CNOT1: variants seen among roughly 807,000 people sequenced by gnomAD.
CNOT1 encodes the protein CCR4-associated factor 1.
In CNOT1, 15 loss-of-function variants were observed where a neutral mutation model predicts 273.8. The observed-to-expected ratio is 0.05, with a 90% CI of 0.04 to 0.08. The LOEUF (loss-of-function observed/expected upper bound fraction) is 0.08. Among genes scored for constraint, CNOT1 ranks in the 10% least tolerant of loss-of-function variants. The pLI, the probability that CNOT1 is intolerant of heterozygous loss-of-function variation, is 1.00. For synonymous variants in CNOT1, 1,022 were observed against 1,005.5 expected (o/e 1.02, Z -0.31); for missense variants, 1,644 against 2,912.2 (o/e 0.56, Z 10.02).
chr16:58,521,365 T>A (rs2039361250), intron 47 of CNOT1, 48 bp from the exon 48 acceptor site: 6 of 1,538,838 alleles, frequency 3.9e-6, no homozygotes, highest in East Asian at 2.3e-5. Flanking sequence ...GCATACAAAT[T>A]CATGATTATT....
intron 47 of CNOT1, 29 bp from the exon 48 acceptor site, chr16:58,521,346 TGTATA>T: frequency 1.3e-6 from 2 of 1,573,934 alleles, no homozygotes; most frequent in Non-Finnish European, 1.7e-6. Flanking sequence ...AGCTAGTTAA[TGTATA>T]GAAGCATACA....
intron 25 of CNOT1, among the ~76,000 whole-genome samples, chr16:58,549,180 G>A (rs2040364512): frequency 6.6e-6 from 1 of 151,748 alleles, no homozygotes; most frequent in Non-Finnish European, 1.5e-5. Flanking sequence ...CCAGCTACTC[G>A]GGAGGCTGAA....
chr16:58,578,414 T>C (rs1038118525), intron 13 of CNOT1, among the ~76,000 whole-genome samples: 7 of 148,928 alleles, frequency 4.7e-5, no homozygotes, highest in African/African-American at 1.0e-4. Context: ...GACTGCACCA[T>C]TGCACTCCAG....
At chr16:58,584,530 C>G (rs944879081) in intron 8 of CNOT1, among the ~76,000 whole-genome samples, 1 of 152,076 alleles carries the variant, frequency 6.6e-6, no homozygotes, top group Non-Finnish European at 1.5e-5. Flanking sequence ...AGGGTCTTCA[C>G]CATGTTGGTC....
Position 58,575,049 on chromosome 16 carries a change from G to C in CNOT1, c.1785C>G (p.Leu595=). The C allele has an allele frequency of 1.2e-6, 2 of 1,614,094 alleles. No individual in the cohort carries two copies. The highest frequency in any genetic ancestry group is 2.2e-5 in the South Asian group (2 of 91,076). The stretch of plus-strand genomic sequence containing the variant: ...TATCTGTGAGCCACTTATCAAGTTT[G>C]AGGTATTCACGACGTGAAGCAAGTG... The part of the protein sequence containing the change: ...LAALASRREY[L]KLDKWLTDKI... The change falls in exon 15 of 49, where the codon CTC becomes CTG. Residue 595 remains leucine (L), a synonymous_variant. Transcript: ENST00000317147.
chr16:58,596,027 C>A (rs2042238446), intron 2 of CNOT1, among the ~76,000 whole-genome samples: 1 of 152,206 alleles, frequency 6.6e-6, no homozygotes, highest in African/African-American at 2.4e-5. Context: ...ATGGGTTGTA[C>A]AATTTTCACA....
intron 3 of CNOT1, among the ~76,000 whole-genome samples, chr16:58,588,311 A>G (rs978260840): frequency 6.6e-6 from 1 of 152,132 alleles, no homozygotes; most frequent in Non-Finnish European, 1.5e-5. Context: ...GGTAAAAGGA[A>G]CCAGGAAATA....
In CNOT1 at chr16:58,547,968, T is replaced by C. The variant is rs1453403792; in HGVS notation, c.3523-286A>G. Reference sequence around the variant, plus strand: ...AGAACACAAAGTTATGTGCCAGCTATCCTCCCCTAGAAAAGTATTTTCAAC... The same window carrying C: ...AGAACACAAAGTTATGTGCCAGCTACCCTCCCCTAGAAAAGTATTTTCAAC... On this transcript the variant is annotated intron_variant, in intron 25 of 48. Coordinates refer to ENST00000317147, the MANE Select transcript of CNOT1 (RefSeq NM_016284.5). This position sits in a 1 kb window ranked among gnomAD's most constrained non-coding sequence, Gnocchi z 4.0. 6.6e-6 allele frequency among the ~76,000 whole-genome samples: 1 copy of C among 152,170 alleles called. No individual in the cohort carries two copies. The highest frequency in any genetic ancestry group is 6.5e-5 in the Admixed American group (1 of 15,268).
intron 27 of CNOT1, 82 bp from the exon 28 acceptor site, chr16:58,546,831 G>C (rs1305305204): frequency 2.6e-6 from 4 of 1,523,914 alleles, no homozygotes; most frequent in South Asian, 2.4e-5. Context: ...TACAACATAA[G>C]GGGGTAGGGG....
intron 2 of CNOT1, among the ~76,000 whole-genome samples, chr16:58,594,101 G>GGGTGTGGT (rs2042160773): frequency 6.6e-6 from 1 of 151,906 alleles, no homozygotes; most frequent in South Asian, 2.1e-4. Flanking sequence ...AAAATTAGCT[G>GGGTGTGGT]GGTGTGGTGG....
chr16:58,599,674 C>T (rs556104557), intron 1 of CNOT1, among the ~76,000 whole-genome samples, 163 bp from the exon 2 acceptor site: 2 of 152,182 alleles, frequency 1.3e-5, no homozygotes, highest in Admixed American at 6.5e-5. Context: ...TGTGTTAGTA[C>T]CTAAAATGTT....
Position 58,551,799 on chromosome 16 carries a change from C to T in CNOT1, c.2991G>A (p.Gln997=), listed in dbSNP as rs1389767102. Residue 997 remains glutamine, a synonymous_variant, in exon 23 of 49, where the codon CAG becomes CAA. Coordinates refer to ENST00000317147, the MANE Select transcript of CNOT1 (RefSeq NM_016284.5). The part of the protein sequence containing the change: ...HLQEYIEYGQ[Q]SRDPPVKMQG... Reference sequence around the variant, plus strand: ...GCATTTTCACAGGAGGATCTCTAGACTGCTGTCCATACTCAATATACTAAA... The same window carrying T: ...GCATTTTCACAGGAGGATCTCTAGATTGCTGTCCATACTCAATATACTAAA... The T allele has an allele frequency of 1.2e-6, 2 of 1,614,182 alleles. No individual in the cohort carries two copies. The highest frequency in any genetic ancestry group is 1.7e-5 in the Admixed American group (1 of 60,022).
chr16:58,599,749 C>T (rs907608301), intron 1 of CNOT1, among the ~76,000 whole-genome samples: 1 of 152,046 alleles, frequency 6.6e-6, no homozygotes, highest in African/African-American at 2.4e-5. Context: ...CCAGGTTTCT[C>T]AATTAGGCAG....
chr16:58,572,225 G>A (rs567383792), intron 16 of CNOT1, among the ~76,000 whole-genome samples: 18 of 151,882 alleles, frequency 1.2e-4, no homozygotes, highest in African/African-American at 2.4e-4. Context: ...GGAGGGTTGC[G>A]GTGAGCCGAG....
At chr16:58,551,537 T>G in intron 23 of CNOT1, 52 bp downstream of exon 23, 1 of 1,564,106 alleles carries the variant, frequency 6.4e-7, no homozygotes, top group South Asian at 1.1e-5. Context: ...CACCACTGAT[T>G]ATTACAATAT....
intron 24 of CNOT1, 91 bp downstream of exon 24, chr16:58,551,040 CT>C (rs1238150594): frequency 1.9e-6 from 3 of 1,553,122 alleles, no homozygotes; most frequent in Non-Finnish European, 2.6e-6. Flanking sequence ...TTACCTCTAC[CT>C]TTAAAGTGAG....
chr16:58,615,400 C>T (rs1206128675), intron 1 of CNOT1, among the ~76,000 whole-genome samples: 1 of 125,056 alleles, frequency 8.0e-6, no homozygotes, highest in African/African-American at 2.7e-5. Flanking sequence ...AAGTATACAG[C>T]AAATATGGTA....
chr16:58,567,479 T>G, intron 16 of CNOT1, among the ~76,000 whole-genome samples: 1 of 104,076 alleles, frequency 9.6e-6, no homozygotes, highest in Admixed American at 9.9e-5. Context: ...AAAATAAAAA[T>G]AAATTTAAAA....
At chr16:58,601,754 A>G (rs948175783) in intron 1 of CNOT1, among the ~76,000 whole-genome samples, 3 of 133,038 alleles carry the variant, frequency 2.3e-5, no homozygotes, top group African/African-American at 8.9e-5. Flanking sequence ...AAAAAAAAAA[A>G]GCCTGTGCAC....
Sources: gnomAD v4.1 joint callset for allele counts (sites outside exome capture counted in the v4.1 genomes callset) on GRCh38, gnomAD v4.1.1 for gene constraint, Gnocchi (gnomAD v3.1) non-coding constraint, MANE v1.5 for transcripts, NCBI Gene and HGNC (gene_info 2026-07-23, HGNC 2026-07-21) for gene names.